The following EP400 variants were observed in gnomAD, a reference collection of about 807,000 sequenced individuals.
The protein encoded by EP400 is E1A-binding protein p400.
A neutral mutation model predicts 354.1 loss-of-function variants in EP400; 105 were observed. The ratio of observed to expected loss-of-function variants is 0.30; its 90% CI spans 0.25 to 0.35. The LOEUF (loss-of-function observed/expected upper bound fraction) is 0.35, where lower values mean the gene tolerates loss of function less well. Ranked by LOEUF, EP400 falls within the 10% of genes least tolerant of loss-of-function variation. The pLI, the probability that EP400 is intolerant of heterozygous loss-of-function variation, is 1.00. For synonymous variants in EP400, 1,646 were observed against 1,716.9 expected (o/e 0.96, Z 1.02); for missense variants, 3,280 against 4,121.0 (o/e 0.80, Z 5.59).
At chr12:132,006,584 A>T in intron 14 of EP400, 116 bp from the exon 15 acceptor site, 1 of 1,102,848 alleles carries the variant, frequency 9.1e-7, no homozygotes. Context: ...TTTTCTGTAG[A>T]TCATTTTTGT....
chr12:131,986,733 C>A lies in EP400; in HGVS notation c.2149C>A (p.Pro717Thr). 1 of 1,614,244 alleles carries A rather than the reference C, an allele frequency of 6.2e-7. No individual in the cohort carries two copies. Among genetic ancestry groups the A allele is most frequent in the Non-Finnish European group, 8.5e-7 (1 of 1,180,040 alleles). ...PGVVASAPTK[P>T]QSPAQNATSS... Reference sequence around the variant, plus strand: ...GGTGGTGGCATCTGCCCCCACCAAACCACAGAGTCCTGCTCAGAATGCCAC... The same window carrying A: ...GGTGGTGGCATCTGCCCCCACCAAAACACAGAGTCCTGCTCAGAATGCCAC... The change falls in exon 6 of 53, where the codon CCA becomes ACA. Residue 717 changes from proline to threonine, a missense_variant. Transcript: ENST00000389561.
In EP400 at chr12:132,062,593, ACAGCAG is replaced by A; in HGVS notation, c.8235_8240del (p.Gln2747_Gln2748del). ...AGCAGCAGCAGCAGCAGCAGCAGCA[ACAGCAG>A]CAGCAGCAACAGACGACGACGACCT... On this transcript the variant is annotated inframe_deletion, in exon 47 of 53. Transcript: ENST00000389561. 8.2e-7 allele frequency: 1 copy of A among 1,212,864 alleles called. No homozygotes were observed. The highest frequency in any genetic ancestry group is 1.2e-6 in the Non-Finnish European group (1 of 853,390). The allele number at this position is 1,212,864 out of a possible 1,614,324, so 75.1% of individuals were successfully genotyped here.
chr12:132,013,832 CAAA>C lies in EP400; in HGVS notation c.3843_3845del (p.Lys1283del). 6.2e-7 allele frequency: 1 copy of C among 1,614,208 alleles called. No individual in the cohort carries two copies. The highest frequency in any genetic ancestry group is 1.6e-4 in the Middle Eastern group (1 of 6,062). ...AAGAGAGATGTGGAAAAGCAACTAA[CAAA>C]GAAATATGAGCATGTTTTGAAGTGT... On this transcript the variant is annotated inframe_deletion, in exon 19 of 53. Transcript: ENST00000389561. This position sits in a 1 kb window ranked among gnomAD's most constrained non-coding sequence, Gnocchi z 4.5.
intron 51 of EP400, among the ~76,000 whole-genome samples, chr12:132,072,811 T>C (rs1334182334): frequency 6.6e-6 from 1 of 152,248 alleles, no homozygotes; most frequent in Non-Finnish European, 1.5e-5. Flanking sequence ...TGGTTTTGCT[T>C]TATATCTTAG....
chr12:131,988,521 C>T (rs563860125), intron 7 of EP400, among the ~76,000 whole-genome samples: 3 of 152,348 alleles, frequency 2.0e-5, no homozygotes, highest in East Asian at 1.9e-4. Flanking sequence ...CCTGGCCACA[C>T]GGCCTCCTGC....
chr12:131,960,904 G>C lies in EP400; in HGVS notation c.285G>C (p.Pro95=), dbSNP rs373513824. Residue 95 remains proline (P), a synonymous_variant, in exon 2 of 53, where the codon CCG becomes CCC. Transcript: ENST00000389561. ...GNQQITLAPL[P]LPSPTSPGFQ... ...AGCAGATCACACTGGCCCCACTGCC[G>C]CTCCCCAGCCCCACCTCTCCAGGCT... 1.8e-5 allele frequency: 29 copies of C among 1,613,896 alleles called. No homozygotes were observed. Among genetic ancestry groups the C allele is most frequent in the Non-Finnish European group, 2.3e-5 (27 of 1,180,024 alleles).
Position 132,062,173 on chromosome 12 carries a change from TC to T in EP400, c.7952del (p.Pro2651GlnfsTer23). 6.2e-7 allele frequency: 1 copy of T among 1,614,016 alleles called. No homozygotes were observed. The highest frequency in any genetic ancestry group is 8.5e-7 in the Non-Finnish European group (1 of 1,179,972). ...HTQPPPRAVG[S>X]PATATPDLVS... ...CCAGCCCCCGCCACGGGCAGTCGGC[TC>T]CCCAGCCACGGCGACCCCTGACCTG... On this transcript the variant is annotated frameshift_variant, in exon 46 of 53. Transcript: ENST00000389561. LOFTEE classifies it high-confidence loss of function.
At chr12:132,004,526 AG>A (rs779610729) in intron 12 of EP400, among the ~76,000 whole-genome samples, 2 of 151,834 alleles carry the variant, frequency 1.3e-5, no homozygotes, top group Admixed American at 6.6e-5. Context: ...CATCTTCATC[AG>A]TTATTTCCTA....
At position 132,025,608 on chromosome 12, in the gene EP400, A is replaced by G. The variant is rs766852002; in HGVS notation, c.4856-38A>G. 1 of 1,552,776 alleles carries G rather than the reference A, an allele frequency of 6.4e-7. No individual in the cohort carries two copies. The highest frequency in any genetic ancestry group is 8.7e-7 in the Non-Finnish European group (1 of 1,148,488). On this transcript the variant is annotated intron_variant, in intron 24 of 52. Transcript: ENST00000389561. This position sits in a 1 kb window ranked among gnomAD's most constrained non-coding sequence, Gnocchi z 4.1. ...TGGAGTGTGTGGCTGTGATGTACAC[A>G]TGCCTGTCATTGACACCTAGTGGAC...
intron 1 of EP400, among the ~76,000 whole-genome samples, chr12:131,958,032 G>T (rs1196135683): frequency 2.6e-5 from 4 of 152,308 alleles, no homozygotes; most frequent in Non-Finnish European, 5.9e-5. Flanking sequence ...CTATATGTGA[G>T]AGAGTTTCTT....
intron 51 of EP400, among the ~76,000 whole-genome samples, chr12:132,071,141 AAT>A (rs1449089447): frequency 1.3e-5 from 2 of 152,222 alleles, no homozygotes; most frequent in Admixed American, 1.3e-4. Flanking sequence ...AGAGTAAGAA[AAT>A]TCTGTTCTTT....
intron 30 of EP400, among the ~76,000 whole-genome samples, chr12:132,033,624 T>C (rs1361235462): frequency 1.3e-5 from 2 of 151,836 alleles, no homozygotes; most frequent in Non-Finnish European, 2.9e-5. Flanking sequence ...TTCTATCTCC[T>C]AGGCTCAGGT....
chr12:132,072,133 G>A (rs868036595), intron 51 of EP400, among the ~76,000 whole-genome samples: 6 of 152,166 alleles, frequency 3.9e-5, no homozygotes, highest in South Asian at 4.1e-4. Flanking sequence ...TGCCTTGTCA[G>A]GTCTGTTTCT....
chr12:131,961,381 C>T lies in EP400; in HGVS notation c.762C>T (p.Ala254=). ...AAGGAGLQPL[A]SPSHITTANL... is the part of the protein sequence containing the mutation. ...GTGGGGCCGGCCTGCAGCCCCTGGCCAGCCCAAGCCACATCACCACGGCTA... is the reference window on the plus strand; with the variant it reads ...GTGGGGCCGGCCTGCAGCCCCTGGCTAGCCCAAGCCACATCACCACGGCTA... Residue 254 remains alanine (A), a synonymous_variant, in exon 2 of 53, where the codon GCC becomes GCT. Transcript: ENST00000389561. The T allele has an allele frequency of 7.1e-7, 1 of 1,410,808 alleles. No homozygotes were observed. Among genetic ancestry groups the T allele is most frequent in the Admixed American group, 2.0e-5 (1 of 50,886 alleles). The allele number at this position is 1,410,808 out of a possible 1,614,324, so 87.4% of individuals were successfully genotyped here. A position where few individuals can be genotyped will look rare whatever the true frequency, so the allele number is the denominator to read the frequency against.
At chr12:131,968,027 A>G (rs1892160806) in intron 2 of EP400, among the ~76,000 whole-genome samples, 1 of 152,138 alleles carries the variant, frequency 6.6e-6, no homozygotes, top group Admixed American at 6.5e-5. Context: ...CATGTTTTGC[A>G]AGTATTTTTT....
chr12:132,069,915 C>G (rs1327525964), intron 51 of EP400, among the ~76,000 whole-genome samples: 1 of 152,186 alleles, frequency 6.6e-6, no homozygotes, highest in Non-Finnish European at 1.5e-5. Flanking sequence ...TCTCCCAGTT[C>G]CAGGCTCCTC....
chr12:132,051,685 G>C (rs1040175823), intron 41 of EP400, among the ~76,000 whole-genome samples: 1 of 152,176 alleles, frequency 6.6e-6, no homozygotes, highest in African/African-American at 2.4e-5. Context: ...GGCAGACTAG[G>C]AGTGTGACCA....
At chr12:132,059,211 G>T (rs1411182773) in intron 45 of EP400, among the ~76,000 whole-genome samples, 1 of 152,132 alleles carries the variant, frequency 6.6e-6, no homozygotes, top group Non-Finnish European at 1.5e-5. Flanking sequence ...CTGGGCCAAG[G>T]TGGAGAATCT....
rs1896028054 is a variant in EP400, at chr12:132,070,205, A to G, written c.9021+564A>G. Among the ~76,000 whole-genome samples, 1 of 152,084 alleles carries G rather than the reference A, an allele frequency of 6.6e-6. No individual in the cohort carries two copies. The highest frequency in any genetic ancestry group is 6.5e-5 in the Admixed American group (1 of 15,282). On this transcript the variant is annotated intron_variant, in intron 51 of 52. Coordinates refer to ENST00000389561, the MANE Select transcript of EP400 (RefSeq NM_015409.5). This position sits in a 1 kb window ranked among gnomAD's most constrained non-coding sequence, Gnocchi z 4.1. ...ACCCTCCTGGAGTTGGTTTTTGGGT[A>G]TGAGATAGAAACAGGAATTCAGTTA...
Sources: allele counts gnomAD v4.1 joint callset (sites outside exome capture counted in the v4.1 genomes callset), GRCh38; gene constraint gnomAD v4.1.1; non-coding constraint Gnocchi (gnomAD v3.1); transcripts MANE v1.5; gene names NCBI Gene and HGNC (gene_info 2026-07-23, HGNC 2026-07-21).